The following CAMTA1 variants were observed in gnomAD, a reference collection of about 807,000 sequenced individuals.
CAMTA1 encodes the protein calmodulin binding transcription activator 1, also known as calmodulin-binding transcription activator 1.
Under a neutral mutation model 170.9 loss-of-function variants are expected in CAMTA1, and 27 were observed. That is an observed-to-expected ratio of 0.16 (90% CI 0.12 to 0.22). The LOEUF is 0.22. Among genes scored for constraint, CAMTA1 ranks in the 10% least tolerant of loss-of-function variants. The pLI is 1.00. For synonymous variants in CAMTA1, 833 were observed against 891.5 expected, an observed-to-expected ratio of 0.93 and a Z score of 1.17; for missense variants, 1,619 against 2,217.2, an observed-to-expected ratio of 0.73 and a Z score of 5.42.
intron 3 of CAMTA1, among the ~76,000 whole-genome samples, chr1:6,894,492 T>G (rs1675216507): frequency 6.6e-6 from 1 of 152,214 alleles, no homozygotes; most frequent in African/African-American, 2.4e-5. Context: ...TTTGAAGAAT[T>G]TAAAGAAATC....
intron 5 of CAMTA1, among the ~76,000 whole-genome samples, chr1:7,387,996 C>T (rs2088208010): frequency 6.6e-6 from 1 of 152,150 alleles, no homozygotes; most frequent in Admixed American, 6.5e-5. Context: ...TGTGACCTCC[C>T]CCTTCCCCTG....
At chr1:7,119,368 T>A (rs1644513538) in intron 4 of CAMTA1, among the ~76,000 whole-genome samples, 1 of 152,114 alleles carries the variant, frequency 6.6e-6, no homozygotes, top group Non-Finnish European at 1.5e-5. Flanking sequence ...GTATTAAACA[T>A]GAGAGACACA....
At chr1:7,242,694 T>C (rs10746468) in intron 4 of CAMTA1, among the ~76,000 whole-genome samples, 104,486 of 151,668 alleles carry the variant, frequency 0.69, 37,099 homozygotes, top group African/African-American at 0.87. Flanking sequence ...TTTGGGAGGG[T>C]GAGGCAGGCA....
chr1:7,440,460 C>T (rs2149404110), intron 5 of CAMTA1, among the ~76,000 whole-genome samples: 1 of 152,366 alleles, frequency 6.6e-6, no homozygotes, highest in East Asian at 1.9e-4. Context: ...CCGGCTGAAC[C>T]TGCATCTTGA....
Position 7,536,331 on chromosome 1 carries a change from G to C in CAMTA1, c.510+68430G>C, listed in dbSNP as rs191396849. On this transcript the variant is annotated intron_variant, in intron 6 of 22. Transcript: ENST00000303635. ...AACTGCAACTGACTCAGCACTTTCA[G>C]GGTGAGCGGCAGGGAGGGGCTTTGT... is the stretch of plus-strand genomic sequence containing the variant. Among the ~76,000 whole-genome samples the C allele has an allele frequency of 4.3e-3, 660 of 152,342 alleles. 3 individuals are homozygous for C. Among genetic ancestry groups the C allele is most frequent in the Non-Finnish European group, 6.2e-3 (420 of 68,034 alleles).
chr1:7,112,591 G>A (rs1644128909), intron 4 of CAMTA1, among the ~76,000 whole-genome samples: 1 of 152,246 alleles, frequency 6.6e-6, no homozygotes, highest in South Asian at 2.1e-4. Context: ...CCCAGCGGAT[G>A]TTGGCTACTT....
intron 11 of CAMTA1, among the ~76,000 whole-genome samples, chr1:7,714,769 G>A (rs765547315): frequency 6.6e-6 from 1 of 152,010 alleles, no homozygotes; most frequent in Non-Finnish European, 1.5e-5. Flanking sequence ...TGATCTTCCC[G>A]CCTCGGCCTC....
intron 4 of CAMTA1, among the ~76,000 whole-genome samples, chr1:7,232,307 C>T (rs1438696948): frequency 1.3e-5 from 2 of 152,142 alleles, no homozygotes; most frequent in Non-Finnish European, 2.9e-5. Context: ...GGCTTCTCAG[C>T]ACTCATGGCC....
chr1:7,107,301 T>TGTGCGCGC (rs765615131), intron 4 of CAMTA1, among the ~76,000 whole-genome samples: 2 of 151,046 alleles, frequency 1.3e-5, no homozygotes, highest in Admixed American at 6.6e-5. Context: ...TGTGTGTGTG[T>TGTGCGCGC]GCGCGCCCAC....
At chr1:7,304,631 G>T (rs1034808549) in intron 5 of CAMTA1, among the ~76,000 whole-genome samples, 3 of 151,004 alleles carry the variant, frequency 2.0e-5, no homozygotes, top group Non-Finnish European at 4.4e-5. Context: ...ATATAAAATG[G>T]CTCTTACAGT....
chr1:7,655,955 T>A (rs991396753), intron 7 of CAMTA1, among the ~76,000 whole-genome samples: 2 of 152,304 alleles, frequency 1.3e-5, no homozygotes, highest in Non-Finnish European at 1.5e-5. Flanking sequence ...AGTGCAACTG[T>A]GTCTGGAGGT....
chr1:7,190,244 G>C (rs572895183), intron 4 of CAMTA1, among the ~76,000 whole-genome samples: 7 of 152,192 alleles, frequency 4.6e-5, no homozygotes, highest in African/African-American at 7.2e-5. Context: ...ACTTACTCAC[G>C]TAACCAAATA....
chr1:7,669,719 G>A (rs1236627707), intron 9 of CAMTA1, among the ~76,000 whole-genome samples: 2 of 152,314 alleles, frequency 1.3e-5, no homozygotes, highest in African/African-American at 2.4e-5. Flanking sequence ...TGGTTTGGGG[G>A]TGGGGTGGAT....
chr1:7,467,508 C>T (rs2093238780), intron 5 of CAMTA1, among the ~76,000 whole-genome samples: 1 of 152,218 alleles, frequency 6.6e-6, no homozygotes, highest in African/African-American at 2.4e-5. Flanking sequence ...CTCCAAGCCC[C>T]TAAAATTATA....
chr1:7,398,408 T>G (rs1211707047), intron 5 of CAMTA1, among the ~76,000 whole-genome samples: 1 of 151,436 alleles, frequency 6.6e-6, no homozygotes, highest in African/African-American at 2.4e-5. Flanking sequence ...ACTCCTGCAC[T>G]CTTTTATTTT....
intron 6 of CAMTA1, among the ~76,000 whole-genome samples, chr1:7,551,286 T>C (rs1177986483): frequency 2.3e-5 from 3 of 132,326 alleles, no homozygotes; most frequent in African/African-American, 9.6e-5. Flanking sequence ...CCAAAGGACA[T>C]GTGTGCGCAG....
intron 3 of CAMTA1, among the ~76,000 whole-genome samples, chr1:6,872,869 A>G (rs915079086): frequency 6.6e-6 from 1 of 152,230 alleles, no homozygotes; most frequent in African/African-American, 2.4e-5. Flanking sequence ...TTTAATGCTG[A>G]TGTTTTAATT....
Position 6,827,588 on chromosome 1 carries a change from C to T in CAMTA1, c.234+2378C>T, listed in dbSNP as rs184492626. ...AATATAGGTGGAATAAAGCAATCAG[C>T]GGTGTTACTAAAGCACTTCTTTGAT... is the stretch of plus-strand genomic sequence containing the variant. On this transcript the variant is annotated intron_variant, in intron 3 of 22. Coordinates refer to ENST00000303635, the MANE Select transcript of CAMTA1 (RefSeq NM_015215.4). 4.0e-3 allele frequency among the ~76,000 whole-genome samples: 610 copies of T among 151,802 alleles called. 3 individuals carry two copies. The highest frequency in any genetic ancestry group is 5.6e-3 in the Non-Finnish European group (379 of 67,968).
At chr1:7,212,871 T>C (rs1049600165) in intron 4 of CAMTA1, among the ~76,000 whole-genome samples, 4 of 152,366 alleles carry the variant, frequency 2.6e-5, no homozygotes, top group Admixed American at 1.3e-4. Flanking sequence ...ATAAATTACC[T>C]TTTGGAATTG....
Sources: allele counts gnomAD v4.1 joint callset (sites outside exome capture counted in the v4.1 genomes callset), GRCh38; gene constraint gnomAD v4.1.1; transcripts MANE v1.5; gene names NCBI Gene and HGNC (gene_info 2026-07-23, HGNC 2026-07-21).